CCDC13: variants seen among roughly 807,000 people sequenced by gnomAD.
The protein encoded by CCDC13 is coiled-coil domain containing 13, also known as coiled-coil domain-containing protein 13.
A neutral mutation model predicts 87.3 loss-of-function variants in CCDC13; 70 were observed. The observed-to-expected ratio is 0.80, with a 90% CI of 0.66 to 0.98. The LOEUF (loss-of-function observed/expected upper bound fraction) is 0.98, where lower values mean the gene tolerates loss of function less well. CCDC13 is among the 50% of genes least tolerant of loss of function. The probability of loss-of-function intolerance (pLI) is 0.00; values close to 1 mark genes in which losing one functional copy is unlikely to be tolerated. For synonymous variants in CCDC13, 317 were observed against 360.3 expected (o/e 0.88, Z 1.36); for missense variants, 842 against 892.0 (o/e 0.94, Z 0.71).
chr3:42,769,819 C>T lies in CCDC13; in HGVS notation c.-7+3357G>A, dbSNP rs1013317286. On this transcript the variant is annotated intron_variant, in intron 1 of 15. Transcript: ENST00000310232. ...CCCACACTCCAAGCAGCCGGCTGGC[C>T]GCAAGCCCCTGGCAGTGAGGAGCTT... Among the ~76,000 whole-genome samples the T allele has an allele frequency of 1.8e-4, 27 of 152,368 alleles. No homozygotes were observed. The East Asian group carries it at 4.4e-3, about 25-fold the overall frequency.
Position 42,707,239 on chromosome 3 carries a change from C to G in CCDC13, c.*1741G>C, listed in dbSNP as rs1205574811. On this transcript the variant is annotated 3_prime_UTR_variant, in exon 16 of 16. Coordinates refer to ENST00000310232, the MANE Select transcript of CCDC13 (RefSeq NM_144719.4). Reference sequence around the variant, plus strand: ...TTCAGACTCTACATCCAGCCCACCCCTCGCTGTCACACACTGTCCCCTCCA... The same window carrying G: ...TTCAGACTCTACATCCAGCCCACCCGTCGCTGTCACACACTGTCCCCTCCA... 2.0e-5 allele frequency among the ~76,000 whole-genome samples: 3 copies of G among 152,200 alleles called. No individual in the cohort carries two copies. In the East Asian group the frequency reaches 5.8e-4, roughly 29 times the overall value.
At chr3:42,749,685 C>T in intron 5 of CCDC13, 2 of 349,594 alleles carry the variant, frequency 5.7e-6, no homozygotes, top group Middle Eastern at 7.6e-4. Context: ...TTCTTTCTTC[C>T]CAGAGTGAAA....
intron 10 of CCDC13, among the ~76,000 whole-genome samples, chr3:42,735,109 T>C (rs121993): frequency 0.81 from 123,326 of 152,166 alleles, 50,509 homozygotes; most frequent in East Asian, 1. Context: ...ACAGGGGTCC[T>C]GGGGCTTCCT....
intron 3 of CCDC13, among the ~76,000 whole-genome samples, chr3:42,753,903 G>A (rs1699645043): frequency 6.6e-6 from 1 of 152,216 alleles, no homozygotes; most frequent in Non-Finnish European, 1.5e-5. Flanking sequence ...GGTGGCTGGA[G>A]GATGTGAATG....
chr3:42,710,157 T>A (rs1698276339), intron 14 of CCDC13, among the ~76,000 whole-genome samples: 1 of 150,700 alleles, frequency 6.6e-6, no homozygotes, highest in South Asian at 2.1e-4. Context: ...TCACCCAGAC[T>A]GGAGTGCAGT....
intron 7 of CCDC13, 123 bp from the exon 8 acceptor site, chr3:42,743,180 C>T: frequency 9.2e-7 from 1 of 1,085,656 alleles, no homozygotes. Context: ...TGTGGTAGCC[C>T]CATCTGAGGA....
At chr3:42,722,225 C>T (rs141824159) in intron 13 of CCDC13, among the ~76,000 whole-genome samples, 20 of 152,258 alleles carry the variant, frequency 1.3e-4, no homozygotes, top group African/African-American at 4.3e-4. Flanking sequence ...CTCCTCACTA[C>T]CCTGAACACA....
At chr3:42,771,607 T>C (rs1043543112) in intron 1 of CCDC13, among the ~76,000 whole-genome samples, 1 of 151,982 alleles carries the variant, frequency 6.6e-6, no homozygotes, top group African/African-American at 2.4e-5. Context: ...ATAAAAAAAT[T>C]AGCTGGGCAT....
At position 42,747,249 on chromosome 3, in the gene CCDC13, T is replaced by C. The variant is rs1416749445; in HGVS notation, c.720+8A>G. On this transcript the variant is annotated splice_region_variant and intron_variant, in intron 6 of 15. Transcript: ENST00000310232. ...CACAAGAAGCCCCAAGCCCTGGCTCTGAAAGACCTTCTGTGCCATCCGCAG... is the reference window on the plus strand; with the variant it reads ...CACAAGAAGCCCCAAGCCCTGGCTCCGAAAGACCTTCTGTGCCATCCGCAG... The C allele has an allele frequency of 2.5e-6, 4 of 1,608,320 alleles. No homozygotes were observed. In the African/African-American group the frequency reaches 5.3e-5, roughly 21 times the overall value.
In CCDC13 at chr3:42,709,139, C is replaced by T. The variant is rs769351825; in HGVS notation, c.1989G>A (p.Arg663=). Residue 663 remains arginine, a splice_region_variant and synonymous_variant, in exon 16 of 16, where the codon AGG becomes AGA. Transcript: ENST00000310232. ...VESQMEELTT[R]LAIQVEENEM... ...CATTCTCCTCCACCTGGATGGCCAG[C>T]CTGGACCACAGGAGACAGTGCTCAG... is the stretch of plus-strand genomic sequence containing the variant. The T allele has an allele frequency of 6.2e-7, 1 of 1,609,194 alleles. No homozygotes were observed. Among genetic ancestry groups the T allele is most frequent in the Non-Finnish European group, 8.5e-7 (1 of 1,177,512 alleles).
intron 7 of CCDC13, 145 bp from the exon 8 acceptor site, chr3:42,743,202 G>A (rs1224088550): frequency 3.6e-6 from 3 of 825,922 alleles, no homozygotes; most frequent in Non-Finnish European, 5.6e-6. Flanking sequence ...GACTAGGGGT[G>A]GGGGACAATC....
chr3:42,767,365 T>C (rs1316043434), intron 1 of CCDC13, among the ~76,000 whole-genome samples: 1 of 152,180 alleles, frequency 6.6e-6, no homozygotes, highest in Non-Finnish European at 1.5e-5. Flanking sequence ...TTACAAAATA[T>C]GTGTAAGATC....
intron 7 of CCDC13, chr3:42,745,181 G>C (rs1224633789): frequency 6.6e-6 from 1 of 152,230 alleles, no homozygotes; most frequent in Non-Finnish European, 1.5e-5. Flanking sequence ...TTGGCAAATG[G>C]TGGAAGTCAT....
intron 1 of CCDC13, among the ~76,000 whole-genome samples, chr3:42,771,330 G>A (rs113121520): frequency 6.6e-6 from 1 of 152,188 alleles, no homozygotes; most frequent in Non-Finnish European, 1.5e-5. Context: ...GGTTTCCAGG[G>A]GTTGGTGGGA....
At chr3:42,749,987 C>T (rs752732609) in intron 5 of CCDC13, 89 of 455,868 alleles carry the variant, frequency 2.0e-4, no homozygotes, top group Non-Finnish European at 3.1e-4. Flanking sequence ...CTTTTGCTCT[C>T]GCTCTGATCA....
chr3:42,736,199 C>T (rs1424400349), intron 9 of CCDC13, among the ~76,000 whole-genome samples: 10 of 152,218 alleles, frequency 6.6e-5, no homozygotes, highest in Non-Finnish European at 1.2e-4. Flanking sequence ...ATGGTGACTC[C>T]TCACCCGGTG....
chr3:42,731,389 C>T (rs886314068), intron 12 of CCDC13, among the ~76,000 whole-genome samples: 3 of 151,998 alleles, frequency 2.0e-5, no homozygotes, highest in Non-Finnish European at 4.4e-5. Context: ...CCCCACTAAA[C>T]ATTGAGAGGG....
chr3:42,750,889 A>G (rs945172831), intron 5 of CCDC13, among the ~76,000 whole-genome samples: 1 of 152,216 alleles, frequency 6.6e-6, no homozygotes, highest in African/African-American at 2.4e-5. Context: ...CGTGGAATAA[A>G]CCAGGGGCAG....
chr3:42,769,258 T>C (rs953470312), intron 1 of CCDC13, among the ~76,000 whole-genome samples: 1 of 152,110 alleles, frequency 6.6e-6, no homozygotes, highest in Admixed American at 6.6e-5. Flanking sequence ...ATCAGGAAAT[T>C]GCAAATTAAA....
Sources: gnomAD v4.1 joint callset for allele counts (sites outside exome capture counted in the v4.1 genomes callset) on GRCh38, gnomAD v4.1.1 for gene constraint, MANE v1.5 for transcripts, NCBI Gene and HGNC (gene_info 2026-07-23, HGNC 2026-07-21) for gene names.